The following PLS3 variants were observed in gnomAD, a reference collection of about 807,000 sequenced individuals.
The protein encoded by PLS3 is plastin 3, also known as plastin-3.
PLS3 carries 11 observed loss-of-function variants against 46.5 expected under a neutral mutation model. That is an observed-to-expected ratio of 0.24 (90% CI 0.15 to 0.39). The LOEUF (loss-of-function observed/expected upper bound fraction) is 0.39, where lower values mean the gene tolerates loss of function less well. PLS3 is among the 10% of genes least tolerant of loss of function. PLS3 has a pLI of 1.00. For missense variants in PLS3, 308 were observed against 461.8 expected (o/e 0.67, Z 3.05); for synonymous variants, 167 against 162.2 (o/e 1.03, Z -0.22).
At chrX:115,635,171 C>A in intron 7 of PLS3, 125 bp downstream of exon 7, 1 of 539,765 alleles carries the variant, frequency 1.9e-6, no homozygotes, top group Non-Finnish European at 3.0e-6. Flanking sequence ...TAAGGTAATG[C>A]TATAGAGTTA....
Position 115,590,300 on chromosome X carries a change from C to A in PLS3, c.-8-19943C>A, listed in dbSNP as rs782231923. Among the ~76,000 whole-genome samples, 135 of 111,267 alleles carry A rather than the reference C, an allele frequency of 1.2e-3. 1 individual carries two copies. The highest frequency in any genetic ancestry group is 4.3e-3 in the African/African-American group (131 of 30,630). Reference sequence around the variant, plus strand: ...AAAGCTGTTTTCATTCTGTGGCCTGCTGATGAAAATGTAGAATTTATTGCA... The same window carrying A: ...AAAGCTGTTTTCATTCTGTGGCCTGATGATGAAAATGTAGAATTTATTGCA... On this transcript the variant is annotated intron_variant, in intron 1 of 15. Transcript: ENST00000355899.
intron 1 of PLS3, among the ~76,000 whole-genome samples, chrX:115,566,319 A>G (rs1160322127): frequency 9.1e-6 from 1 of 109,941 alleles, no homozygotes; most frequent in Non-Finnish European, 1.9e-5. Flanking sequence ...AAAATAAGAG[A>G]CTAGGTTGAT....
At chrX:115,567,111 A>G (rs2074180336) in intron 1 of PLS3, among the ~76,000 whole-genome samples, 1 of 112,139 alleles carries the variant, frequency 8.9e-6, no homozygotes, top group African/African-American at 3.2e-5. Context: ...TAATTGTTAC[A>G]GAGTCCATTG....
intron 1 of PLS3, among the ~76,000 whole-genome samples, chrX:115,588,314 T>C (rs1460098068): frequency 8.9e-6 from 1 of 111,889 alleles, no homozygotes; most frequent in Non-Finnish European, 1.9e-5. Flanking sequence ...AGTTTATCTG[T>C]AGGAGGCCAG....
chrX:115,613,908 A>AT (rs1315781759), intron 2 of PLS3, among the ~76,000 whole-genome samples: 1 of 111,885 alleles, frequency 8.9e-6, no homozygotes, highest in Non-Finnish European at 1.9e-5. Flanking sequence ...AGAAAATCTT[A>AT]TTTTTTTAAG....
chrX:115,573,093 CAAAAAAA>C (rs1163578692), intron 1 of PLS3, among the ~76,000 whole-genome samples: 612 of 30,216 alleles, frequency 0.02, 17 homozygotes, highest in Admixed American at 0.19. Context: ...GACTCCGTCT[CAAAAAAA>C]AAAAAAAAAA....
chrX:115,574,713 G>C (rs974307372), intron 1 of PLS3, among the ~76,000 whole-genome samples: 1 of 110,852 alleles, frequency 9.0e-6, no homozygotes, highest in Non-Finnish European at 1.9e-5. Context: ...CCTAGTAGCT[G>C]GGATTACAGG....
At chrX:115,587,776 T>C (rs782306503) in intron 1 of PLS3, among the ~76,000 whole-genome samples, 2 of 110,283 alleles carry the variant, frequency 1.8e-5, no homozygotes, top group East Asian at 5.7e-4. Flanking sequence ...CTTTGAAAGA[T>C]TGAATTAACT....
chrX:115,582,990 G>A (rs1556631992), intron 1 of PLS3, among the ~76,000 whole-genome samples: 1 of 111,868 alleles, frequency 8.9e-6, no homozygotes, highest in Non-Finnish European at 1.9e-5. Flanking sequence ...GCTGTAAGCT[G>A]TGATTGCACC....
chrX:115,646,221 G>A (rs782625824), intron 12 of PLS3, 35 bp downstream of exon 12: 3 of 900,217 alleles, frequency 3.3e-6, no homozygotes, highest in Non-Finnish European at 4.7e-6. Flanking sequence ...ATTTGTTAGA[G>A]TATTTTTATT....
chrX:115,571,723 GA>G (rs1179889123), intron 1 of PLS3, among the ~76,000 whole-genome samples: 37 of 111,108 alleles, frequency 3.3e-4, no homozygotes, highest in African/African-American at 1.1e-3. Context: ...TGTGGAGGAG[GA>G]AAAAAAAGTA....
intron 1 of PLS3, among the ~76,000 whole-genome samples, chrX:115,569,462 C>T (rs906558908): frequency 2.7e-5 from 3 of 111,549 alleles, no homozygotes; most frequent in Non-Finnish European, 5.6e-5. Flanking sequence ...ACTTTGATAT[C>T]ACTCAATAAA....
At chrX:115,642,581 G>A (rs1196486253) in intron 9 of PLS3, among the ~76,000 whole-genome samples, 1 of 111,244 alleles carries the variant, frequency 9.0e-6, no homozygotes, top group East Asian at 2.8e-4. Context: ...AGGTTCCAGG[G>A]TTCCAAGGAG....
intron 1 of PLS3, among the ~76,000 whole-genome samples, chrX:115,595,845 C>T (rs1300269331): frequency 9.2e-6 from 1 of 109,017 alleles, no homozygotes; most frequent in Non-Finnish European, 1.9e-5. Flanking sequence ...CCCACCACCA[C>T]GCCCGGCTAA....
intron 1 of PLS3, among the ~76,000 whole-genome samples, chrX:115,569,236 G>C (rs1261051830): frequency 3.6e-5 from 4 of 110,553 alleles, no homozygotes; most frequent in African/African-American, 1.3e-4. Context: ...AGGAAGTTCT[G>C]TTTTTTGAAA....
At chrX:115,606,165 CTTTTTTTTTTTT>C (rs782575149) in intron 1 of PLS3, among the ~76,000 whole-genome samples, 1 of 30,284 alleles carries the variant, frequency 3.3e-5, no homozygotes, top group Non-Finnish European at 5.1e-5. Context: ...CTTTTCTTTT[CTTTTTTTTTTTT>C]TTTTTTTTTT....
chrX:115,621,571 A>C lies in PLS3; in HGVS notation c.74-675A>C, dbSNP rs1556637583. On this transcript the variant is annotated intron_variant, in intron 2 of 15. Transcript: ENST00000355899. Reference sequence around the variant, plus strand: ...ATCAGGTTTTTTTTTTCTATTTTTAAAAGCTTCAGAATAAACATCATTCAT... The same window carrying C: ...ATCAGGTTTTTTTTTTCTATTTTTACAAGCTTCAGAATAAACATCATTCAT... Among the ~76,000 whole-genome samples, 4 of 111,394 alleles carry C rather than the reference A, an allele frequency of 3.6e-5. No individual in the cohort carries two copies. The East Asian group carries it at 1.1e-3, about 31-fold the overall frequency.
intron 2 of PLS3, among the ~76,000 whole-genome samples, chrX:115,616,091 A>G (rs1212243644): frequency 8.9e-6 from 1 of 111,878 alleles, no homozygotes; most frequent in Non-Finnish European, 1.9e-5. Flanking sequence ...CAATCTAGGT[A>G]TGTTATTTTG....
At chrX:115,632,658 T>G (rs1248329962) in intron 5 of PLS3, among the ~76,000 whole-genome samples, 1 of 110,938 alleles carries the variant, frequency 9.0e-6, no homozygotes, top group Non-Finnish European at 1.9e-5. Flanking sequence ...AATCTCATGC[T>G]CAACTAATTT....
Sources: gnomAD v4.1 joint callset for allele counts (sites outside exome capture counted in the v4.1 genomes callset) on GRCh38, gnomAD v4.1.1 for gene constraint, MANE v1.5 for transcripts, NCBI Gene and HGNC (gene_info 2026-07-23, HGNC 2026-07-21) for gene names.